The following PRSS23 variants were observed in gnomAD, a reference collection of about 807,000 sequenced individuals.
PRSS23 encodes the protein serine protease 23.
Under a neutral mutation model 34.7 loss-of-function variants are expected in PRSS23, and 25 were observed. That is an observed-to-expected ratio of 0.72 (90% CI 0.53 to 1.01). The LOEUF is 1.01. PRSS23 is among the 50% of genes least tolerant of loss of function. PRSS23 has a pLI of 0.00. For synonymous variants in PRSS23, 176 were observed against 186.6 expected, an observed-to-expected ratio of 0.94 and a Z score of 0.46; for missense variants, 445 against 475.6, an observed-to-expected ratio of 0.94 and a Z score of 0.60.
At chr11:86,864,233 T>C (rs66461324) in intron 2 of PRSS23, among the ~76,000 whole-genome samples, 17,196 of 149,350 alleles carry the variant, frequency 0.12, 1,269 homozygotes, top group Non-Finnish European at 0.17. Context: ...TTTTTTTTTT[T>C]CCCCAAAGAC....
chr11:86,933,498 G>A (rs1326012407), intron 2 of PRSS23: 1 of 152,228 alleles, frequency 6.6e-6, no homozygotes, highest in Non-Finnish European at 1.5e-5. Context: ...AAAAGAGGAA[G>A]GGAAAAGAGA....
At position 86,855,956 on chromosome 11, in the gene PRSS23, T is replaced by C. The variant is rs1278586925; in HGVS notation, c.206+32363T>C. 5.9e-5 allele frequency among the ~76,000 whole-genome samples: 9 copies of C among 152,330 alleles called. No individual in the cohort carries two copies. In the South Asian group the frequency reaches 1.9e-3, roughly 32 times the overall value. On this transcript the variant is annotated intron_variant, in intron 2 of 2. Transcript: ENST00000533902. ...CATTTTTAGGCTGAATAATACATCATTGTGTGTGTATACCACAGTTTTTTA... is the reference window on the plus strand; with the variant it reads ...CATTTTTAGGCTGAATAATACATCACTGTGTGTGTATACCACAGTTTTTTA...
intron 2 of PRSS23, among the ~76,000 whole-genome samples, chr11:86,841,743 A>G (rs546187634): frequency 1.3e-5 from 2 of 152,210 alleles, no homozygotes; most frequent in Non-Finnish European, 2.9e-5. Flanking sequence ...AGGAAGTTGA[A>G]TCTCTGAATA....
chr11:86,894,705 C>T (rs1948863423), intron 2 of PRSS23, among the ~76,000 whole-genome samples: 1 of 152,158 alleles, frequency 6.6e-6, no homozygotes, highest in South Asian at 2.1e-4. Context: ...TCTTTATCTT[C>T]AAAGCTCACA....
intron 2 of PRSS23, among the ~76,000 whole-genome samples, chr11:86,870,231 T>G (rs2022983): frequency 6.6e-6 from 1 of 151,790 alleles, no homozygotes; most frequent in East Asian, 1.9e-4. Flanking sequence ...GCTACAGAGA[T>G]GGTGATTTTT....
downstream of PRSS23, chr11:86,811,328 T>C (rs2135605335): frequency 6.3e-6 from 1 of 159,502 alleles, no homozygotes; most frequent in South Asian, 2.1e-4. Context: ...GAGGTGGTAA[T>C]GTAGAAAGAA....
Position 86,809,894 on chromosome 11 carries a change from ACTT to A in PRSS23, c.*1104_*1106del, listed in dbSNP as rs898870153. ...TCAGTGTGCTTTCTGGGAGCTATGT[ACTT>A]CTTCAATTTGGAAACTTTTCTCTCT... is the stretch of plus-strand genomic sequence containing the variant. On this transcript the variant is annotated 3_prime_UTR_variant, in exon 2 of 2. Coordinates refer to ENST00000280258, the MANE Select transcript of PRSS23 (RefSeq NM_007173.6). 4.8e-5 allele frequency: 8 copies of A among 167,042 alleles called. No individual in the cohort carries two copies. The highest frequency in any genetic ancestry group is 2.0e-4 in the Admixed American group (3 of 15,292). 10.3% of individuals were successfully genotyped at this position (167,042 alleles called of 1,614,324 possible). A position where few individuals can be genotyped will look rare whatever the true frequency, so the allele number is the denominator to read the frequency against.
chr11:86,873,267 T>TAC (rs1439589458), intron 2 of PRSS23, among the ~76,000 whole-genome samples: 13 of 132,016 alleles, frequency 9.8e-5, no homozygotes, highest in African/African-American at 1.9e-4. Flanking sequence ...TATATATATA[T>TAC]ACACACACAT....
Position 86,808,699 on chromosome 11 carries a change from A to C in PRSS23, c.1056A>C (p.Pro352=). ...GHQWVDMNGS[P]QDFNVAVRIT... ...AGTGGGTGGACATGAATGGTTCCCC[A>C]CAGGATTTCAACGTGGCTGTCAGAA... The change falls in exon 2 of 2, where the codon CCA becomes CCC. Residue 352 remains proline (P), a synonymous_variant. Transcript: ENST00000280258. The C allele has an allele frequency of 6.2e-7, 1 of 1,614,162 alleles. No homozygotes were observed. The highest frequency in any genetic ancestry group is 8.5e-7 in the Non-Finnish European group (1 of 1,180,024).
intron 2 of PRSS23, among the ~76,000 whole-genome samples, chr11:86,861,520 A>G (rs1590899617): frequency 1.3e-5 from 2 of 151,788 alleles, no homozygotes; most frequent in South Asian, 2.1e-4. Flanking sequence ...CCCTTGTGAT[A>G]TTGTTCATAA....
chr11:86,858,601 CA>C (rs530358493), intron 2 of PRSS23, among the ~76,000 whole-genome samples: 1 of 151,062 alleles, frequency 6.6e-6, no homozygotes, highest in East Asian at 2.0e-4. Flanking sequence ...TTTTAAGATC[CA>C]GGGGGGAGAG....
intron 2 of PRSS23, among the ~76,000 whole-genome samples, chr11:86,824,183 C>T (rs1341483948): frequency 6.6e-6 from 1 of 151,384 alleles, no homozygotes; most frequent in Non-Finnish European, 1.5e-5. Context: ...CCCCGTATGC[C>T]TGTGGTTCCA....
intron 2 of PRSS23, among the ~76,000 whole-genome samples, chr11:86,884,370 G>A (rs1273366068): frequency 6.6e-6 from 1 of 152,164 alleles, no homozygotes; most frequent in African/African-American, 2.4e-5. Flanking sequence ...TGCGATCTCG[G>A]CTCACTGCCA....
At chr11:86,890,084 A>G (rs56271705) in intron 2 of PRSS23, among the ~76,000 whole-genome samples, 236 of 152,066 alleles carry the variant, frequency 1.6e-3, no homozygotes, top group African/African-American at 5.6e-3. Context: ...CCTGGCCAAC[A>G]TGGTGAAACT....
At position 86,806,692 on chromosome 11, in the gene PRSS23, T is replaced by A. The variant is rs563281716; in HGVS notation, c.-13-939T>A. On this transcript the variant is annotated intron_variant, in intron 1 of 1. Transcript: ENST00000280258. ...TGAGCTACCGCATCATCCATGTACA[T>A]CATTGTCATTAGCGTCAGCATGCAA... Among the ~76,000 whole-genome samples the A allele has an allele frequency of 3.3e-5, 5 of 152,360 alleles. No homozygotes were observed. The East Asian group carries it at 9.6e-4, about 29-fold the overall frequency.
intron 1 of PRSS23, 117 bp from the exon 2 acceptor site, chr11:86,807,514 C>G: frequency 1.0e-6 from 1 of 981,026 alleles, no homozygotes; most frequent in Non-Finnish European, 1.5e-6. Flanking sequence ...CACCCTGATT[C>G]CTGAGGAGTG....
chr11:86,942,108 T>C (rs1374891158), intron 2 of PRSS23, among the ~76,000 whole-genome samples: 3 of 152,152 alleles, frequency 2.0e-5, no homozygotes, highest in Admixed American at 1.3e-4. Flanking sequence ...GCACAGATCA[T>C]TGCAATCAGT....
At chr11:86,825,318 G>T (rs1486167007) in intron 2 of PRSS23, among the ~76,000 whole-genome samples, 1 of 152,164 alleles carries the variant, frequency 6.6e-6, no homozygotes. Flanking sequence ...CCCACTTTTT[G>T]ATGGGGTTGT....
chr11:86,919,739 A>C (rs1949035702), intron 2 of PRSS23, among the ~76,000 whole-genome samples: 1 of 152,174 alleles, frequency 6.6e-6, no homozygotes, highest in Non-Finnish European at 1.5e-5. Context: ...TCCCTGCCCA[A>C]ATCAGTGTTT....
Sources: gnomAD v4.1 joint callset for allele counts (sites outside exome capture counted in the v4.1 genomes callset) on GRCh38, gnomAD v4.1.1 for gene constraint, MANE v1.5 for transcripts, NCBI Gene and HGNC (gene_info 2026-07-23, HGNC 2026-07-21) for gene names.